The following CFAP43 variants were observed in gnomAD, a reference collection of about 807,000 sequenced individuals.
CFAP43 encodes the protein cilia and flagella associated protein 43.
A neutral mutation model predicts 218.9 loss-of-function variants in CFAP43; 155 were observed. The observed-to-expected ratio is 0.71, with a 90% CI of 0.62 to 0.81. The LOEUF (loss-of-function observed/expected upper bound fraction) is 0.81. CFAP43 is among the 30% of genes least tolerant of loss of function. The pLI is 0.00. For synonymous variants in CFAP43, 645 were observed against 681.3 expected, an observed-to-expected ratio of 0.95 and a Z score of 0.83; for missense variants, 1,778 against 1,954.3, an observed-to-expected ratio of 0.91 and a Z score of 1.70.
At chr10:104,152,826 A>T (rs1180516179) in intron 27 of CFAP43, 100 bp from the exon 28 acceptor site, 1 of 1,323,770 alleles carries the variant, frequency 7.6e-7, no homozygotes, top group Admixed American at 2.3e-5. Flanking sequence ...GATGGAGGGC[A>T]GCCCTTGCAA....
At chr10:104,161,706 C>T (rs1332444583) in intron 26 of CFAP43, among the ~76,000 whole-genome samples, 2 of 152,128 alleles carry the variant, frequency 1.3e-5, no homozygotes, top group African/African-American at 4.8e-5. Flanking sequence ...TCACAGCTCA[C>T]TGTAGCCTTG....
intron 18 of CFAP43, 124 bp downstream of exon 18, chr10:104,179,716 T>C: frequency 1.4e-6 from 1 of 719,906 alleles, no homozygotes; most frequent in East Asian, 2.5e-5. Flanking sequence ...CTGTATGTTG[T>C]AATGCTCTGC....
chr10:104,158,360 T>A (rs2134800047), intron 27 of CFAP43, among the ~76,000 whole-genome samples: 1 of 152,292 alleles, frequency 6.6e-6, no homozygotes, highest in Admixed American at 6.5e-5. Flanking sequence ...ATACTTAATG[T>A]TACCAACAGT....
Position 104,168,669 on chromosome 10 carries a change from A to C in CFAP43, c.2691+75T>G, listed in dbSNP as rs1395880622. The C allele has an allele frequency of 3.0e-6, 4 of 1,321,232 alleles. No individual in the cohort carries two copies. The East Asian group carries it at 6.9e-5, about 23-fold the overall frequency. The allele number at this position is 1,321,232 out of a possible 1,614,324, so 81.8% of individuals were successfully genotyped here. ...CTTTGCTATGCCTGAATTTTCTTAA[A>C]TTTATTTTTAAAACTTTCCTGAGCT... On this transcript the variant is annotated intron_variant, in intron 21 of 37. Coordinates refer to ENST00000357060, the MANE Select transcript of CFAP43 (RefSeq NM_025145.7).
chr10:104,163,295 A>G (rs529031249), intron 24 of CFAP43, among the ~76,000 whole-genome samples: 8 of 152,288 alleles, frequency 5.3e-5, no homozygotes, highest in Admixed American at 2.0e-4. Context: ...TGATAAATTC[A>G]TTTCAATCCA....
At chr10:104,183,128 T>C (rs2089909625) in intron 16 of CFAP43, among the ~76,000 whole-genome samples, 1 of 152,032 alleles carries the variant, frequency 6.6e-6, no homozygotes, top group South Asian at 2.1e-4. Flanking sequence ...TTGAGAGTGG[T>C]ATTATTACTT....
At position 104,225,566 on chromosome 10, in the gene CFAP43, T is replaced by C. The variant is rs907330134; in HGVS notation, c.320-9A>G. On this transcript the variant is annotated splice_polypyrimidine_tract_variant and intron_variant, in intron 2 of 37. Coordinates refer to ENST00000357060, the MANE Select transcript of CFAP43 (RefSeq NM_025145.7). ...GTCCAGGAGAATGTTGCCTAAAATA[T>C]AAAATCCATTATCAGGATTTGATTA... The C allele has an allele frequency of 2.5e-6, 4 of 1,601,268 alleles. No individual in the cohort carries two copies. The highest frequency in any genetic ancestry group is 2.3e-5 in the East Asian group (1 of 44,250).
intron 28 of CFAP43, 27 bp from the exon 29 acceptor site, chr10:104,148,025 G>A: frequency 1.4e-6 from 2 of 1,465,882 alleles, no homozygotes; most frequent in African/African-American, 1.4e-5. Flanking sequence ...GAAAAAGGTT[G>A]GTGGAATTAC....
intron 32 of CFAP43, among the ~76,000 whole-genome samples, chr10:104,142,863 A>G (rs2087771812): frequency 1.3e-5 from 2 of 152,342 alleles, no homozygotes; most frequent in Middle Eastern, 3.4e-3. Context: ...TGAGCCAAAT[A>G]TAATTCTAAT....
At chr10:104,163,025 T>C (rs1236516206) in intron 24 of CFAP43, among the ~76,000 whole-genome samples, 1 of 152,084 alleles carries the variant, frequency 6.6e-6, no homozygotes, top group Admixed American at 6.6e-5. Context: ...CAGAGTGAGG[T>C]CCTTGCTGTC....
rs2090065631 is a variant in CFAP43 at position 104,187,410 on chromosome 10, C to G, written c.1770G>C (p.Leu590=). 1.2e-6 allele frequency: 2 copies of G among 1,611,290 alleles called. No homozygotes were observed. Among genetic ancestry groups the G allele is most frequent in the Non-Finnish European group, 1.7e-6 (2 of 1,179,046 alleles). Residue 590 remains leucine, a synonymous_variant, in exon 14 of 38, where the codon CTG becomes CTC. Coordinates refer to ENST00000357060, the MANE Select transcript of CFAP43 (RefSeq NM_025145.7). Reference sequence around the variant, plus strand: ...TTTGAAAGCCCAAGACTGCAGAGGACAGAGCGTGCTCCAACTCATACAGGT... The same window carrying G: ...TTTGAAAGCCCAAGACTGCAGAGGAGAGAGCGTGCTCCAACTCATACAGGT... The part of the protein sequence containing the change: ...HKYLYELEHA[L]SSAVLGFQSN...
At chr10:104,134,754 GA>G in intron 34 of CFAP43, among the ~76,000 whole-genome samples, 1 of 151,972 alleles carries the variant, frequency 6.6e-6, no homozygotes, top group Non-Finnish European at 1.5e-5. Context: ...TCCCAAAAAA[GA>G]AAAGCCCAGG....
Position 104,162,037 on chromosome 10 carries a change from G to T in CFAP43, c.3338C>A (p.Ala1113Asp), listed in dbSNP as rs199579277. Reference sequence around the variant, plus strand: ...CATCAGAGCTCGGAGTCTTGTACTGGCATCCTGGGAAAGAGCCAGAATCAG... The same window carrying T: ...CATCAGAGCTCGGAGTCTTGTACTGTCATCCTGGGAAAGAGCCAGAATCAG... Reference protein sequence around the residue: ...EKEHWLLIQDASTRLRALMDM... With the variant: ...EKEHWLLIQDDSTRLRALMDM... The change falls in exon 26 of 38, where the codon GCC becomes GAC. Residue 1113 changes from alanine to aspartate, a missense_variant. Physicochemically the swap from Ala to Asp is moderately radical, Grantham distance 126. Around this residue, in one of 3 missense-constraint regions of CFAP43, gnomAD observed 1,553 missense variants for 1,685.2 expected, o/e 0.92. Transcript: ENST00000357060. 1 of 1,612,414 alleles carries T rather than the reference G, an allele frequency of 6.2e-7. No homozygotes were observed. The highest frequency in any genetic ancestry group is 8.5e-7 in the Non-Finnish European group (1 of 1,179,636).
chr10:104,183,763 C>A (rs2089938942), intron 16 of CFAP43, among the ~76,000 whole-genome samples: 1 of 152,176 alleles, frequency 6.6e-6, no homozygotes, highest in South Asian at 2.1e-4. Flanking sequence ...AAATGTCCTT[C>A]TTTTTGAGCT....
intron 19 of CFAP43, among the ~76,000 whole-genome samples, chr10:104,174,330 A>G (rs1410126994): frequency 6.6e-6 from 1 of 152,252 alleles, no homozygotes; most frequent in Non-Finnish European, 1.5e-5. Flanking sequence ...ATCATGGCAG[A>G]AAGTGAAAGG....
chr10:104,176,037 A>T (rs1271573854), intron 19 of CFAP43, among the ~76,000 whole-genome samples: 1 of 152,248 alleles, frequency 6.6e-6, no homozygotes, highest in Non-Finnish European at 1.5e-5. Context: ...TTCCAATGGA[A>T]AATTAAGTAC....
At chr10:104,147,705 C>G (rs980834493) in intron 29 of CFAP43, among the ~76,000 whole-genome samples, 186 bp downstream of exon 29, 1 of 152,138 alleles carries the variant, frequency 6.6e-6, no homozygotes, top group African/African-American at 2.4e-5. Context: ...ACTTTATTAA[C>G]AGATTGGAAT....
intron 20 of CFAP43, 94 bp downstream of exon 20, chr10:104,172,316 C>T (rs626708): frequency 0.16 from 240,180 of 1,462,474 alleles, 21,128 homozygotes; most frequent in African/African-American, 0.23. Flanking sequence ...AAGGTTTTGT[C>T]ATATTCACAT....
Position 104,164,190 on chromosome 10 carries a change from T to G in CFAP43, c.3150A>C (p.Glu1050Asp), listed in dbSNP as rs772192043. The change falls in exon 24 of 38, where the codon GAA (glutamate) becomes GAC (aspartate). Residue 1050 changes from glutamate to aspartate, a missense_variant. Coordinates refer to ENST00000357060, the MANE Select transcript of CFAP43 (RefSeq NM_025145.7). ...CTTCCAATTCCAGATCTAAAATAATTTCTCGAATTCGAACATTTCTTTCCT... is the reference window on the plus strand; with the variant it reads ...CTTCCAATTCCAGATCTAAAATAATGTCTCGAATTCGAACATTTCTTTCCT... ...RVKERNVRIR[E>D]IILDLELEEA... 2 of 1,614,170 alleles carry G rather than the reference T, an allele frequency of 1.2e-6. No individual in the cohort carries two copies. The highest frequency in any genetic ancestry group is 1.7e-6 in the Non-Finnish European group (2 of 1,180,024).
Sources: allele counts gnomAD v4.1 joint callset (sites outside exome capture counted in the v4.1 genomes callset), GRCh38; gene constraint gnomAD v4.1.1; regional missense constraint gnomAD v4.1.1; transcripts MANE v1.5; gene names NCBI Gene and HGNC (gene_info 2026-07-23, HGNC 2026-07-21).